Variants in TET3 observed in about 807,000 individuals in gnomAD.
TET3 encodes tet methylcytosine dioxygenase 3, also known as methylcytosine dioxygenase TET3.
Under a neutral mutation model 141.4 loss-of-function variants are expected in TET3, and 19 were observed. The observed-to-expected ratio is 0.13, with a 90% CI of 0.09 to 0.20. The LOEUF is 0.20. TET3 is among the 10% of genes least tolerant of loss of function. The pLI is 1.00. For synonymous variants in TET3, 1,043 were observed against 980.9 expected, an observed-to-expected ratio of 1.06 and a Z score of -1.18; for missense variants, 1,874 against 2,356.9, an observed-to-expected ratio of 0.80 and a Z score of 4.24.
intron 6 of TET3, among the ~76,000 whole-genome samples, chr2:74,083,661 G>A (rs1156278569): frequency 6.6e-6 from 1 of 152,198 alleles, no homozygotes; most frequent in South Asian, 2.1e-4. Context: ...TCCTTCATAC[G>A]AGTGTGGGTA....
chr2:74,129,662 G>A, the TET3 span, among the ~76,000 whole-genome samples: 2 of 151,924 alleles, frequency 1.3e-5, no homozygotes, highest in East Asian at 1.9e-4. Flanking sequence ...AAACCTTAAG[G>A]GCATTACTTG....
the TET3 span, among the ~76,000 whole-genome samples, chr2:74,131,152 T>TA: frequency 6.6e-6 from 1 of 152,150 alleles, no homozygotes; most frequent in Admixed American, 6.5e-5. Flanking sequence ...GGGATATTTG[T>TA]AATTATTCCA....
the TET3 span, among the ~76,000 whole-genome samples, chr2:74,124,408 C>T: frequency 2.0e-5 from 3 of 152,016 alleles, no homozygotes; most frequent in Non-Finnish European, 1.5e-5. Flanking sequence ...GGCGCCTCTG[C>T]CCAGCCGCCA....
chr2:74,128,866 C>G, the TET3 span, among the ~76,000 whole-genome samples: 2 of 151,674 alleles, frequency 1.3e-5, no homozygotes, highest in Non-Finnish European at 2.9e-5. Flanking sequence ...GTGGTGCACA[C>G]CTATACTCCC....
chr2:74,080,902 G>C (rs1297294927), intron 6 of TET3, among the ~76,000 whole-genome samples: 1 of 152,200 alleles, frequency 6.6e-6, no homozygotes, highest in Non-Finnish European at 1.5e-5. Context: ...TGTCCCCGTG[G>C]CTCAGGGCCG....
At chr2:74,019,018 G>A (rs151112045) in intron 3 of TET3, among the ~76,000 whole-genome samples, 9 of 152,156 alleles carry the variant, frequency 5.9e-5, no homozygotes, top group East Asian at 3.9e-4. Flanking sequence ...AGGCTGAGGC[G>A]GGAAGACTGC....
At chr2:74,026,269 CAG>C (rs1686351724) in intron 3 of TET3, among the ~76,000 whole-genome samples, 1 of 152,084 alleles carries the variant, frequency 6.6e-6, no homozygotes, top group Admixed American at 6.5e-5. Flanking sequence ...GGCTGAGGAA[CAG>C]AGATCACTGC....
At chr2:74,094,387 G>A (rs575913072) in intron 10 of TET3, among the ~76,000 whole-genome samples, 28 of 152,296 alleles carry the variant, frequency 1.8e-4, no homozygotes, top group African/African-American at 6.5e-4. Context: ...TGGGATTGGA[G>A]AGGCCTGCAG....
intron 4 of TET3, among the ~76,000 whole-genome samples, chr2:74,054,420 G>GTT (rs1688107995): frequency 6.6e-6 from 1 of 152,228 alleles, no homozygotes; most frequent in Admixed American, 6.5e-5. Context: ...GGGCGACTGG[G>GTT]TTGATGGTGC....
the TET3 span, among the ~76,000 whole-genome samples, chr2:74,132,786 T>C: frequency 2.0e-5 from 3 of 152,230 alleles, no homozygotes; most frequent in Non-Finnish European, 2.9e-5. Flanking sequence ...AGCTGATCTG[T>C]AGAGAGGAAG....
chr2:74,126,162 T>C, the TET3 span, among the ~76,000 whole-genome samples: 2 of 150,204 alleles, frequency 1.3e-5, no homozygotes, highest in African/African-American at 2.4e-5. Flanking sequence ...ATAGAGCCAA[T>C]TGAAATCTGG....
chr2:74,070,628 A>G (rs1308962176), intron 4 of TET3, among the ~76,000 whole-genome samples: 1 of 152,194 alleles, frequency 6.6e-6, no homozygotes, highest in Non-Finnish European at 1.5e-5. Context: ...TTCAAGAGAA[A>G]TCCATTCCAC....
intron 2 of TET3, among the ~76,000 whole-genome samples, chr2:73,990,438 C>G (rs1684265850): frequency 6.6e-6 from 1 of 152,132 alleles, no homozygotes; most frequent in Admixed American, 6.5e-5. Context: ...TAGAGCCAGG[C>G]AGAGGGAGGG....
In TET3 at chr2:74,100,912, T is replaced by G. The variant is rs1183599147; in HGVS notation, c.4124T>G (p.Leu1375Arg). Residue 1375 changes from leucine to arginine, a missense_variant, in exon 12 of 12, where the codon CTC (leucine) becomes CGC (arginine). This residue lies in a region of TET3 where 602 missense variants were observed against 590.2 expected (regional missense o/e 1.02). Transcript: ENST00000409262. ...TATCTGCTTCCCAAGGCCCCCCTACTCCACTCAGTGTCCAGGGACCCCTCC... is the reference window on the plus strand; with the variant it reads ...TATCTGCTTCCCAAGGCCCCCCTACGCCACTCAGTGTCCAGGGACCCCTCC... ...KEYLLPKAPLLHSVSRDPSPF... is the reference protein window; with the variant it reads ...KEYLLPKAPLRHSVSRDPSPF... 6.2e-7 allele frequency: 1 copy of G among 1,610,374 alleles called. No individual in the cohort carries two copies. The highest frequency in any genetic ancestry group is 8.5e-7 in the Non-Finnish European group (1 of 1,178,484).
chr2:73,995,842 A>G (rs1382212149), intron 2 of TET3, among the ~76,000 whole-genome samples: 1 of 152,126 alleles, frequency 6.6e-6, no homozygotes, highest in Admixed American at 6.5e-5. Flanking sequence ...CAGCCCCCAC[A>G]CCCAAGGTAA....
Position 74,089,963 on chromosome 2 carries a change from C to A in TET3, c.2955C>A (p.Ser985=). The A allele has an allele frequency of 6.2e-7, 1 of 1,614,070 alleles. No homozygotes were observed. The highest frequency in any genetic ancestry group is 8.5e-7 in the Non-Finnish European group (1 of 1,179,906). The change falls in exon 8 of 12, where the codon TCC becomes TCA. Residue 985 remains serine, a synonymous_variant. Coordinates refer to ENST00000409262, the MANE Select transcript of TET3 (RefSeq NM_001287491.2). The part of the protein sequence containing the change: ...TCGASFSFGC[S]WSMYFNGCKY... ...GTGCCTCCTTCTCCTTTGGTTGTTCCTGGAGCATGTACTTCAACGGCTGCA... is the reference window on the plus strand; with the variant it reads ...GTGCCTCCTTCTCCTTTGGTTGTTCATGGAGCATGTACTTCAACGGCTGCA...
intron 3 of TET3, among the ~76,000 whole-genome samples, chr2:74,036,895 C>T (rs991759895): frequency 1.3e-4 from 20 of 152,140 alleles, no homozygotes; most frequent in Non-Finnish European, 1.3e-4. Context: ...TTCTAAGTAT[C>T]ACCCCAGCCA....
chr2:74,019,774 C>T (rs924337987), intron 3 of TET3, among the ~76,000 whole-genome samples: 3 of 152,146 alleles, frequency 2.0e-5, no homozygotes, highest in Non-Finnish European at 4.4e-5. Context: ...CTTGTCCCCG[C>T]AGGAAAAAGG....
rs188704449 is a variant in TET3 at position 74,101,357 on chromosome 2, G to A, written c.4569G>A (p.Ser1523=). The A allele has an allele frequency of 5.0e-6, 8 of 1,613,922 alleles. No homozygotes were observed. The highest frequency in any genetic ancestry group is 2.2e-5 in the East Asian group (1 of 44,880). ...CCTGCAAGTTTGGGAACAGCACCTC[G>A]GCCTTGGCTGGGCCCAGCCTGACTG... ...WSPCKFGNST[S]ALAGPSLTEK... Residue 1523 remains serine, a synonymous_variant, in exon 12 of 12, where the codon TCG becomes TCA. Transcript: ENST00000409262. The surrounding 1 kb of genome is among the most constrained non-coding windows in gnomAD (Gnocchi z 8.5).
Sources: allele counts gnomAD v4.1 joint callset (sites outside exome capture counted in the v4.1 genomes callset), GRCh38; gene constraint gnomAD v4.1.1; regional missense constraint gnomAD v4.1.1; non-coding constraint Gnocchi (gnomAD v3.1); transcripts MANE v1.5; gene names NCBI Gene and HGNC (gene_info 2026-07-23, HGNC 2026-07-21).